GRM7: variants seen among roughly 807,000 people sequenced by gnomAD.
GRM7 encodes metabotropic glutamate receptor 7.
Under a neutral mutation model 84.5 loss-of-function variants are expected in GRM7, and 35 were observed. That is an observed-to-expected ratio of 0.41 (90% CI 0.32 to 0.55). GRM7 has a LOEUF of 0.55. Ranked by LOEUF, GRM7 falls within the 20% of genes least tolerant of loss-of-function variation. The probability of loss-of-function intolerance (pLI) is 0.19; values close to 1 mark genes in which losing one functional copy is unlikely to be tolerated. For synonymous variants in GRM7, 487 were observed against 455.1 expected (o/e 1.07, Z -0.89); for missense variants, 1,003 against 1,194.6 (o/e 0.84, Z 2.36).
chr3:7,552,480 C>T (rs34320666), intron 7 of GRM7, among the ~76,000 whole-genome samples: 4,835 of 152,320 alleles, frequency 0.032, 114 homozygotes, highest in Non-Finnish European at 0.044. Flanking sequence ...CTCTTCTGCA[C>T]TGCCCTAGCA....
At chr3:7,637,783 T>C (rs1200202736) in intron 8 of GRM7, among the ~76,000 whole-genome samples, 1 of 152,212 alleles carries the variant, frequency 6.6e-6, no homozygotes, top group Non-Finnish European at 1.5e-5. Flanking sequence ...CAACAGCTAG[T>C]GCAATATTAG....
At chr3:7,135,797 T>G (rs1693752337) in intron 1 of GRM7, among the ~76,000 whole-genome samples, 1 of 152,172 alleles carries the variant, frequency 6.6e-6, no homozygotes, top group Non-Finnish European at 1.5e-5. Context: ...TTCAGAACTT[T>G]CATTGTGTTC....
At chr3:7,554,619 T>C (rs1484144513) in intron 7 of GRM7, among the ~76,000 whole-genome samples, 1 of 152,210 alleles carries the variant, frequency 6.6e-6, no homozygotes, top group Non-Finnish European at 1.5e-5. Context: ...CTCATACTCA[T>C]GTCACAGTCT....
At chr3:7,006,037 G>C (rs760044676) in intron 1 of GRM7, among the ~76,000 whole-genome samples, 1 of 152,034 alleles carries the variant, frequency 6.6e-6, no homozygotes, top group Non-Finnish European at 1.5e-5. Flanking sequence ...TGCCTCAAAA[G>C]AAAAATGGGA....
At chr3:7,350,129 T>A (rs528825737) in intron 4 of GRM7, among the ~76,000 whole-genome samples, 1 of 152,162 alleles carries the variant, frequency 6.6e-6, no homozygotes, top group Non-Finnish European at 1.5e-5. Flanking sequence ...TTGTATTGTT[T>A]CAAGTTTTAC....
At chr3:7,641,549 A>G (rs769692677) in intron 8 of GRM7, among the ~76,000 whole-genome samples, 1 of 152,118 alleles carries the variant, frequency 6.6e-6, no homozygotes, top group Non-Finnish European at 1.5e-5. Context: ...AAATCTTTAT[A>G]CCCATGTAGG....
At position 7,512,586 on chromosome 3, in the gene GRM7, ATTTTTTT is replaced by A. The variant is rs55868423; in HGVS notation, c.1515+50875_1515+50881del. The stretch of plus-strand genomic sequence containing the variant: ...GATCTTGTTTATGTTTTTGTTTTAG[ATTTTTTT>A]TTTTTTTTTTGAGCATTAGAGAGAC... On this transcript the variant is annotated intron_variant, in intron 7 of 9. Transcript: ENST00000357716. Among the ~76,000 whole-genome samples the A allele has an allele frequency of 1.9e-3, 278 of 145,262 alleles. 2 individuals are homozygous for A. Among genetic ancestry groups the A allele is most frequent in the Admixed American group, 2.8e-3 (41 of 14,706 alleles).
chr3:7,189,925 A>G (rs1695652373), intron 2 of GRM7, among the ~76,000 whole-genome samples: 1 of 151,708 alleles, frequency 6.6e-6, no homozygotes, highest in South Asian at 2.1e-4. Flanking sequence ...ATTTACACAC[A>G]CAGACCTACA....
At chr3:7,388,236 G>A (rs191641766) in intron 4 of GRM7, among the ~76,000 whole-genome samples, 3 of 152,242 alleles carry the variant, frequency 2.0e-5, no homozygotes, top group Admixed American at 6.5e-5. Flanking sequence ...CATCAGTGAA[G>A]AGAAAGAGTT....
At chr3:7,142,912 A>T (rs1358869192) in intron 1 of GRM7, among the ~76,000 whole-genome samples, 1 of 152,188 alleles carries the variant, frequency 6.6e-6, no homozygotes, top group Admixed American at 6.5e-5. Context: ...TTATGAGGAG[A>T]AAAGAATAAT....
chr3:7,063,641 C>T (rs1471343242), intron 1 of GRM7, among the ~76,000 whole-genome samples: 1 of 151,710 alleles, frequency 6.6e-6, no homozygotes, highest in Non-Finnish European at 1.5e-5. Flanking sequence ...ATAATCCTCA[C>T]ACCTGAAAGT....
chr3:6,893,686 T>G (rs753863664), intron 1 of GRM7, among the ~76,000 whole-genome samples: 9 of 152,162 alleles, frequency 5.9e-5, no homozygotes, highest in African/African-American at 2.2e-4. Flanking sequence ...CTTTTAACAT[T>G]TACTAACACC....
intron 4 of GRM7, among the ~76,000 whole-genome samples, chr3:7,389,547 G>C (rs62235464): frequency 0.33 from 50,163 of 151,984 alleles, 9,383 homozygotes; most frequent in Non-Finnish European, 0.43. Flanking sequence ...GTGCTCCAAT[G>C]TTGGATGTGT....
chr3:7,050,838 TTCC>T (rs1696969677), intron 1 of GRM7, among the ~76,000 whole-genome samples: 1 of 151,844 alleles, frequency 6.6e-6, no homozygotes, highest in Non-Finnish European at 1.5e-5. Context: ...CTATAAATTA[TTCC>T]TCCTTTCCCC....
intron 8 of GRM7, among the ~76,000 whole-genome samples, chr3:7,626,149 G>T (rs1012128685): frequency 6.6e-6 from 1 of 152,068 alleles, no homozygotes; most frequent in African/African-American, 2.4e-5. Context: ...GTTCCTGCAG[G>T]CAGCACTTCC....
intron 1 of GRM7, among the ~76,000 whole-genome samples, chr3:6,978,279 G>A (rs77342913): frequency 0.048 from 7,372 of 152,182 alleles, 618 homozygotes; most frequent in African/African-American, 0.17. Context: ...GCCACCAGAA[G>A]CTGGAAGAGT....
rs188005412 is a variant in GRM7 at position 7,398,449 on chromosome 3, G to C, written c.1034-16574G>C. On this transcript the variant is annotated intron_variant, in intron 4 of 9. Transcript: ENST00000357716. ...CAAACCTTAGCTTACTACAGGAAGA[G>C]CTTCCTAAAGTTTAGATCTGATAAT... Among the ~76,000 whole-genome samples, 43 of 152,254 alleles carry C rather than the reference G, an allele frequency of 2.8e-4. No individual in the cohort carries two copies. In the East Asian group the frequency reaches 4.8e-3, roughly 17 times the overall value.
At chr3:7,543,859 C>T (rs1693015756) in intron 7 of GRM7, among the ~76,000 whole-genome samples, 1 of 152,186 alleles carries the variant, frequency 6.6e-6, no homozygotes, top group East Asian at 1.9e-4. Context: ...ATGAGAGGCA[C>T]AGTTTCATCC....
In GRM7 at chr3:7,188,854, T is replaced by TA. The variant is rs1575009618; in HGVS notation, c.736+42190dup. ...CCAAGCAGTGAAGGGAGAGACAGAGTAAAAGACACACCTGCTTCTTAACAC... is the reference window on the plus strand; with the variant it reads ...CCAAGCAGTGAAGGGAGAGACAGAGTAAAAAGACACACCTGCTTCTTAACAC... On this transcript the variant is annotated intron_variant, in intron 2 of 9. Coordinates refer to ENST00000357716, the MANE Select transcript of GRM7 (RefSeq NM_000844.4). This position sits in a 1 kb window ranked among gnomAD's most constrained non-coding sequence, Gnocchi z 4.2. Among the ~76,000 whole-genome samples, 2 of 152,074 alleles carry TA rather than the reference T, an allele frequency of 1.3e-5. No individual in the cohort carries two copies. The highest frequency in any genetic ancestry group is 3.9e-4 in the East Asian group (2 of 5,190).
Sources: gnomAD v4.1 joint callset for allele counts (sites outside exome capture counted in the v4.1 genomes callset) on GRCh38, gnomAD v4.1.1 for gene constraint, Gnocchi (gnomAD v3.1) non-coding constraint, MANE v1.5 for transcripts, NCBI Gene and HGNC (gene_info 2026-07-23, HGNC 2026-07-21) for gene names.